The following DNAJC13 variants were observed in gnomAD, a reference collection of about 807,000 sequenced individuals.
DNAJC13 encodes the protein DnaJ heat shock protein family (Hsp40) member C13, also known as dnaJ homolog subfamily C member 13.
DNAJC13 carries 75 observed loss-of-function variants against 290.5 expected under a neutral mutation model. The ratio of observed to expected loss-of-function variants is 0.26; its 90% CI spans 0.21 to 0.31. The LOEUF (loss-of-function observed/expected upper bound fraction) is 0.31. Ranked by LOEUF, DNAJC13 falls within the 10% of genes least tolerant of loss-of-function variation. The pLI, the probability that DNAJC13 is intolerant of heterozygous loss-of-function variation, is 1.00. For missense variants in DNAJC13, 2,260 were observed against 2,674.5 expected, an observed-to-expected ratio of 0.85 and a Z score of 3.42; for synonymous variants, 862 against 892.0, an observed-to-expected ratio of 0.97 and a Z score of 0.60.
intron 41 of DNAJC13, among the ~76,000 whole-genome samples, chr3:132,504,269 C>A (rs1935515731): frequency 6.7e-6 from 1 of 148,700 alleles, no homozygotes; most frequent in South Asian, 2.1e-4. Context: ...CCATGCTTTT[C>A]AGTTCCCATG....
chr3:132,471,413 G>A (rs914846933), intron 20 of DNAJC13, among the ~76,000 whole-genome samples: 1 of 146,810 alleles, frequency 6.8e-6, no homozygotes. Flanking sequence ...CCCAGATGGG[G>A]TGGCTGCCGG....
At chr3:132,461,853 G>A (rs939408477) in intron 15 of DNAJC13, among the ~76,000 whole-genome samples, 6 of 151,950 alleles carry the variant, frequency 3.9e-5, no homozygotes. Context: ...ACCAAACCCG[G>A]CTAATTTATT....
At chr3:132,500,773 G>A (rs1174126161) in intron 38 of DNAJC13, 21 bp from the exon 39 acceptor site, 1 of 1,608,838 alleles carries the variant, frequency 6.2e-7, no homozygotes, top group African/African-American at 1.3e-5. Flanking sequence ...TGGTTTTTTT[G>A]CTCTGTTGTG....
intron 25 of DNAJC13, 28 bp from the exon 26 acceptor site, chr3:132,480,341 T>G (rs1322972071): frequency 1.3e-6 from 2 of 1,530,276 alleles, no homozygotes; most frequent in Non-Finnish European, 1.8e-6. Flanking sequence ...AATGTTTAGA[T>G]TACGAAAAAA....
intron 20 of DNAJC13, among the ~76,000 whole-genome samples, chr3:132,468,878 A>T (rs1242266383): frequency 6.6e-6 from 1 of 152,198 alleles, no homozygotes; most frequent in Non-Finnish European, 1.5e-5. Context: ...TGTTGAATAT[A>T]ATTATCATAC....
chr3:132,450,800 G>C lies in DNAJC13; in HGVS notation c.490G>C (p.Asp164His), dbSNP rs1168960972. The change falls in exon 6 of 56, where the codon GAT (aspartate) becomes CAT (histidine). Residue 164 changes from aspartate (D) to histidine (H), a missense_variant. Coordinates refer to ENST00000260818, the MANE Select transcript of DNAJC13 (RefSeq NM_015268.4). ...RNIEGFVDLS[D>H]YQGGFCILYG... ...TATTGAAGGATTTGTAGATCTCTCA[G>C]ATTATCAAGGAGGATTTTGTATACT... is the stretch of plus-strand genomic sequence containing the variant. 6.2e-7 allele frequency: 1 copy of C among 1,602,680 alleles called. No homozygotes were observed. Among genetic ancestry groups the C allele is most frequent in the African/African-American group, 1.3e-5 (1 of 74,504 alleles).
intron 29 of DNAJC13, among the ~76,000 whole-genome samples, chr3:132,485,437 G>C (rs756824280): frequency 6.6e-6 from 1 of 152,218 alleles, no homozygotes; most frequent in African/African-American, 2.4e-5. Flanking sequence ...ACTGCACCCA[G>C]CTATTTCACT....
In DNAJC13 at chr3:132,496,543, G is replaced by A; in HGVS notation, c.4036G>A (p.Val1346Ile). 1 of 1,601,018 alleles carries A rather than the reference G, an allele frequency of 6.2e-7. No individual in the cohort carries two copies. The highest frequency in any genetic ancestry group is 1.1e-5 in the South Asian group (1 of 88,630). The change falls in exon 36 of 56, where the codon GTA becomes ATA. Residue 1346 changes from valine (V) to isoleucine (I), a missense_variant. Physicochemically the swap from Val to Ile is conservative, Grantham distance 29 (BLOSUM62 3). Around this residue, in one of 3 missense-constraint regions of DNAJC13, gnomAD observed 1,494 missense variants for 1,693.7 expected, o/e 0.88. Coordinates refer to ENST00000260818, the MANE Select transcript of DNAJC13 (RefSeq NM_015268.4). ...TTACATACAGGACATGTTTGAAAAAGTAAATAAAGCATATGAATTTTTATG... is the reference window on the plus strand; with the variant it reads ...TTACATACAGGACATGTTTGAAAAAATAAATAAAGCATATGAATTTTTATG... ...NPEGRDMFEK[V>I]NKAYEFLCTK...
In DNAJC13 at chr3:132,503,433, A is replaced by G. The variant is rs767605341; in HGVS notation, c.4884+52A>G. Reference sequence around the variant, plus strand: ...TTTAATCAATAGTGCAAGATCCTTTAAGCAGTAAAGTAGTACAATAATATT... The same window carrying G: ...TTTAATCAATAGTGCAAGATCCTTTGAGCAGTAAAGTAGTACAATAATATT... On this transcript the variant is annotated intron_variant, in intron 41 of 55. Transcript: ENST00000260818. The G allele has an allele frequency of 2.5e-6, 4 of 1,598,564 alleles. No homozygotes were observed. The South Asian group carries it at 4.4e-5, about 18-fold the overall frequency.
intron 5 of DNAJC13, 84 bp downstream of exon 5, chr3:132,448,023 C>A (rs1477736449): frequency 3.1e-6 from 3 of 960,252 alleles, no homozygotes; most frequent in Non-Finnish European, 4.7e-6. Context: ...TCTGTGTGTT[C>A]CATTTGTAGC....
At chr3:132,430,355 T>G (rs1939208309) in intron 1 of DNAJC13, among the ~76,000 whole-genome samples, 1 of 152,064 alleles carries the variant, frequency 6.6e-6, no homozygotes, top group African/African-American at 2.4e-5. Context: ...ATATTTCTTT[T>G]GTTATTATGA....
chr3:132,518,983 C>T (rs780901926), intron 48 of DNAJC13, among the ~76,000 whole-genome samples: 23 of 152,106 alleles, frequency 1.5e-4, no homozygotes, highest in Non-Finnish European at 2.9e-4. Context: ...TTGTTTTCAT[C>T]TATGTTGTAG....
intron 2 of DNAJC13, among the ~76,000 whole-genome samples, chr3:132,442,734 T>C (rs897918016): frequency 6.6e-6 from 1 of 152,162 alleles, no homozygotes; most frequent in East Asian, 1.9e-4. Flanking sequence ...AGCTTGTGAG[T>C]TGTGATAACT....
At chr3:132,497,123 T>C (rs1576500631) in intron 36 of DNAJC13, among the ~76,000 whole-genome samples, 1 of 152,252 alleles carries the variant, frequency 6.6e-6, no homozygotes, top group East Asian at 1.9e-4. Flanking sequence ...GATATACTTC[T>C]CATACGTTCT....
Position 132,423,074 on chromosome 3 carries a change from G to A in DNAJC13, c.-14+5314G>A, listed in dbSNP as rs1230907571. ...TAATCCCAGCACTTGGAAGGCTGAG[G>A]CGGGAGGATCACTCGAGGCCAGGAG... On this transcript the variant is annotated intron_variant, in intron 1 of 55. Transcript: ENST00000260818. Among the ~76,000 whole-genome samples, 4 of 152,174 alleles carry A rather than the reference G, an allele frequency of 2.6e-5. No individual in the cohort carries two copies. The East Asian group carries it at 5.8e-4, about 22-fold the overall frequency.
At chr3:132,465,944 G>A (rs762585783) in intron 17 of DNAJC13, 51 bp from the exon 18 acceptor site, 3 of 1,320,288 alleles carry the variant, frequency 2.3e-6, no homozygotes, top group South Asian at 2.5e-5. Flanking sequence ...ATTCCTTTCT[G>A]TTCTAGCTGA....
At chr3:132,506,047 T>C (rs995336393) in intron 42 of DNAJC13, among the ~76,000 whole-genome samples, 1 of 108,610 alleles carries the variant, frequency 9.2e-6, no homozygotes, top group Non-Finnish European at 1.7e-5. Context: ...TACATTATCT[T>C]TTTTTTTTTT....
intron 24 of DNAJC13, 132 bp from the exon 25 acceptor site, chr3:132,479,095 A>G (rs370102208): frequency 5.6e-6 from 3 of 533,368 alleles, no homozygotes; most frequent in Admixed American, 3.5e-5. Context: ...ACAGATTTCT[A>G]TGATTTTTCT....
chr3:132,467,492 G>A, intron 20 of DNAJC13, 179 bp downstream of exon 20: 1 of 581,496 alleles, frequency 1.7e-6, no homozygotes, highest in Non-Finnish European at 2.7e-6. Context: ...TTGAGACAGA[G>A]CCTTGCTCTG....
Sources: allele counts gnomAD v4.1 joint callset (sites outside exome capture counted in the v4.1 genomes callset), GRCh38; gene constraint gnomAD v4.1.1; regional missense constraint gnomAD v4.1.1; transcripts MANE v1.5; gene names NCBI Gene and HGNC (gene_info 2026-07-23, HGNC 2026-07-21).